TAS2R1: variants seen among roughly 807,000 people sequenced by gnomAD.
The protein encoded by TAS2R1 is taste receptor type 2 member 1.
For synonymous variants in TAS2R1, 141 were observed against 134.2 expected, an observed-to-expected ratio of 1.05 and a Z score of -0.35; for missense variants, 370 against 353.4, an observed-to-expected ratio of 1.05 and a Z score of -0.38.
chr5:9,734,543 TAA>T, the TAS2R1 span, among the ~76,000 whole-genome samples: 1 of 152,198 alleles, frequency 6.6e-6, no homozygotes, highest in Non-Finnish European at 1.5e-5. Flanking sequence ...AGATCAGAGA[TAA>T]GATTAATCTT....
chr5:9,900,045 G>A, the TAS2R1 span, among the ~76,000 whole-genome samples: 1 of 152,188 alleles, frequency 6.6e-6, no homozygotes, highest in Admixed American at 6.5e-5. Flanking sequence ...CATATGGTAA[G>A]GAAATGTTTA....
At chr5:9,662,338 G>C (rs1488273317) in intron 1 of TAS2R1, among the ~76,000 whole-genome samples, 1 of 152,148 alleles carries the variant, frequency 6.6e-6, no homozygotes, top group African/African-American at 2.4e-5. Flanking sequence ...TGGTTCACTG[G>C]GGGCTCTGCT....
chr5:9,673,629 C>A (rs1191609483), intron 1 of TAS2R1, among the ~76,000 whole-genome samples: 2 of 149,010 alleles, frequency 1.3e-5, no homozygotes, highest in African/African-American at 2.5e-5. Flanking sequence ...ATTTCTTAGC[C>A]AATAAGAGAA....
the TAS2R1 span, among the ~76,000 whole-genome samples, chr5:9,889,397 T>C: frequency 6.6e-6 from 1 of 152,154 alleles, no homozygotes; most frequent in East Asian, 1.9e-4. Context: ...CTGGCTGACG[T>C]AGGACCACAC....
intron 1 of TAS2R1, among the ~76,000 whole-genome samples, chr5:9,678,963 C>A (rs1740940121): frequency 6.6e-6 from 1 of 152,110 alleles, no homozygotes; most frequent in South Asian, 2.1e-4. Context: ...AAAATGGTGT[C>A]TTTTAATAGG....
At chr5:9,756,232 A>T in the TAS2R1 span, among the ~76,000 whole-genome samples, 1 of 152,200 alleles carries the variant, frequency 6.6e-6, no homozygotes, top group African/African-American at 2.4e-5. Flanking sequence ...GCTGGCCTGT[A>T]CCTTACGCGA....
intron 2 of TAS2R1, among the ~76,000 whole-genome samples, chr5:9,639,407 G>A (rs918939726): frequency 5.9e-5 from 9 of 152,186 alleles, no homozygotes; most frequent in African/African-American, 1.7e-4. Context: ...ATTCCCCAGT[G>A]GGTATGTGTG....
At chr5:9,657,875 T>C (rs772389516) in intron 2 of TAS2R1, among the ~76,000 whole-genome samples, 28 of 152,186 alleles carry the variant, frequency 1.8e-4, no homozygotes, top group Admixed American at 2.0e-4. Flanking sequence ...AAGATTAAAA[T>C]GGTAAATTTT....
chr5:9,790,281 C>G, the TAS2R1 span, among the ~76,000 whole-genome samples: 5 of 152,348 alleles, frequency 3.3e-5, no homozygotes, highest in South Asian at 8.3e-4. Context: ...CCCTGCCACT[C>G]TGTTTTCATG....
chr5:9,662,195 T>A (rs1184678824), intron 1 of TAS2R1, among the ~76,000 whole-genome samples: 1 of 152,180 alleles, frequency 6.6e-6, no homozygotes, highest in Non-Finnish European at 1.5e-5. Flanking sequence ...AATCTACTCC[T>A]TGATGAGAAG....
chr5:9,736,084 AG>A, the TAS2R1 span, among the ~76,000 whole-genome samples: 1 of 152,122 alleles, frequency 6.6e-6, no homozygotes, highest in Non-Finnish European at 1.5e-5. Context: ...AGCTTATTTT[AG>A]GGTTTCACTT....
the TAS2R1 span, among the ~76,000 whole-genome samples, chr5:9,749,251 G>A: frequency 3.5e-4 from 54 of 152,270 alleles, no homozygotes; most frequent in African/African-American, 8.7e-4. Flanking sequence ...AGCTACCCTC[G>A]TAGAATGTGA....
the TAS2R1 span, among the ~76,000 whole-genome samples, chr5:9,834,683 C>T: frequency 6.6e-6 from 1 of 151,782 alleles, no homozygotes; most frequent in South Asian, 2.1e-4. Context: ...AGAAAGATGA[C>T]TGTCAAAATT....
the TAS2R1 span, among the ~76,000 whole-genome samples, chr5:9,723,709 CA>C: frequency 2.0e-5 from 3 of 152,226 alleles, no homozygotes; most frequent in Admixed American, 1.3e-4. Flanking sequence ...CGCAGGCTCT[CA>C]GCTTTCTGGT....
intron 1 of TAS2R1, among the ~76,000 whole-genome samples, chr5:9,703,768 A>C (rs1336556900): frequency 6.6e-6 from 1 of 152,144 alleles, no homozygotes; most frequent in East Asian, 1.9e-4. Context: ...TGTGCCTACA[A>C]CTGTCCTAGG....
chr5:9,674,180 A>C (rs57972362), intron 1 of TAS2R1, among the ~76,000 whole-genome samples: 8,641 of 152,252 alleles, frequency 0.057, 376 homozygotes, highest in African/African-American at 0.12. Context: ...ACTGTATTTT[A>C]TATGCCAGCT....
the TAS2R1 span, among the ~76,000 whole-genome samples, chr5:9,843,528 T>C: frequency 6.6e-6 from 1 of 152,252 alleles, no homozygotes; most frequent in South Asian, 2.1e-4. Flanking sequence ...AACAAAAAAG[T>C]ATTAGTTTCA....
the TAS2R1 span, among the ~76,000 whole-genome samples, chr5:9,721,326 CAA>C: frequency 6.6e-6 from 1 of 152,232 alleles, no homozygotes; most frequent in African/African-American, 2.4e-5. Flanking sequence ...CATGACACTT[CAA>C]GCTACAGGAT....
At chr5:9,713,294 G>A (rs1426496486), upstream of TAS2R1, 1 of 152,122 alleles carries the variant, frequency 6.6e-6, no homozygotes, top group Admixed American at 6.5e-5. Context: ...AATAATCTTA[G>A]ACAAAAGTAG....
Sources: allele counts gnomAD v4.1 joint callset (sites outside exome capture counted in the v4.1 genomes callset), GRCh38; gene constraint gnomAD v4.1.1; transcripts MANE v1.5; gene names NCBI Gene and HGNC (gene_info 2026-07-23, HGNC 2026-07-21).